VWA8: variants seen among roughly 807,000 people sequenced by gnomAD.
VWA8 encodes the protein von Willebrand factor A domain containing 8.
VWA8 carries 221 observed loss-of-function variants against 241.5 expected under a neutral mutation model. That is an observed-to-expected ratio of 0.91 (90% confidence interval 0.82 to 1.02). The LOEUF (loss-of-function observed/expected upper bound fraction) is 1.02. Among genes scored for constraint, VWA8 ranks in the 50% least tolerant of loss-of-function variants. The pLI, the probability that VWA8 is intolerant of heterozygous loss-of-function variation, is 0.00. For missense variants in VWA8, 2,322 were observed against 2,328.7 expected (o/e 1.00, Z 0.06); for synonymous variants, 852 against 827.1 (o/e 1.03, Z -0.52).
intron 7 of VWA8, 85 bp downstream of exon 7, chr13:41,886,696 G>T: frequency 1.8e-6 from 2 of 1,115,398 alleles, no homozygotes; most frequent in South Asian, 2.8e-5. Context: ...GTTGTTGAAT[G>T]ACTGAATTAA....
intron 17 of VWA8, among the ~76,000 whole-genome samples, chr13:41,799,179 GT>G (rs1566462009): frequency 6.6e-6 from 1 of 151,926 alleles, no homozygotes; most frequent in Non-Finnish European, 1.5e-5. Context: ...ATCTCTTATG[GT>G]TTTTTCCCCC....
intron 12 of VWA8, among the ~76,000 whole-genome samples, chr13:41,851,218 A>C (rs9532936): frequency 0.014 from 2,175 of 152,214 alleles, 30 homozygotes; most frequent in Middle Eastern, 0.037. Context: ...TTCTCTGCAG[A>C]GTCAGGCACC....
chr13:41,830,127 T>C (rs1395438407), intron 14 of VWA8, among the ~76,000 whole-genome samples: 1 of 150,828 alleles, frequency 6.6e-6, no homozygotes, highest in Non-Finnish European at 1.5e-5. Context: ...CCTGTGTTCC[T>C]GGCTACTTGG....
intron 40 of VWA8, among the ~76,000 whole-genome samples, chr13:41,604,057 T>G (rs935426163): frequency 2.0e-5 from 3 of 152,078 alleles, no homozygotes; most frequent in African/African-American, 7.2e-5. Context: ...CCATACTCAT[T>G]CTCAAGTCTT....
At chr13:41,771,330 C>T (rs913138447) in intron 20 of VWA8, among the ~76,000 whole-genome samples, 2 of 152,124 alleles carry the variant, frequency 1.3e-5, no homozygotes, top group African/African-American at 4.8e-5. Context: ...ACCATGTTGG[C>T]CAGGCTGGTC....
intron 39 of VWA8, among the ~76,000 whole-genome samples, chr13:41,607,015 G>T (rs1011504692): frequency 6.6e-6 from 1 of 152,146 alleles, no homozygotes; most frequent in Non-Finnish European, 1.5e-5. Flanking sequence ...TCCATAGTAG[G>T]AAATGTTTTA....
chr13:41,637,647 C>T (rs2044768210), intron 37 of VWA8, among the ~76,000 whole-genome samples: 1 of 152,040 alleles, frequency 6.6e-6, no homozygotes, highest in Non-Finnish European at 1.5e-5. Flanking sequence ...CATTGTGTTA[C>T]CGATTCACCA....
chr13:41,897,088 T>C, intron 4 of VWA8, among the ~76,000 whole-genome samples: 1 of 152,166 alleles, frequency 6.6e-6, no homozygotes, highest in East Asian at 1.9e-4. Context: ...AGCTCCATCT[T>C]TACCTGTGAA....
rs2044448905 is a variant in VWA8, at chr13:41,590,711, C to A, written c.5041G>T (p.Asp1681Tyr). The A allele has an allele frequency of 1.2e-6, 2 of 1,614,006 alleles. No homozygotes were observed. Among genetic ancestry groups the A allele is most frequent in the Non-Finnish European group, 1.7e-6 (2 of 1,180,022 alleles). ...GTCAGCCCATCAATGATCTTGGCAT[C>A]ATCTAATTCTCCAGTAGCTTGATGT... ...LRHQATGELD[D>Y]AKIIDGLTGE... The change falls in exon 41 of 45, where the codon GAT becomes TAT. Residue 1681 changes from aspartate to tyrosine, a missense_variant. Transcript: ENST00000379310.
intron 2 of VWA8, among the ~76,000 whole-genome samples, chr13:41,944,033 A>T (rs1242199882): frequency 6.6e-6 from 1 of 151,872 alleles, no homozygotes; most frequent in African/African-American, 2.4e-5. Flanking sequence ...TGAACCTGGG[A>T]GGCAGAGGCT....
chr13:41,729,770 C>G (rs575295696), intron 22 of VWA8, 93 bp from the exon 23 acceptor site: 2 of 1,248,802 alleles, frequency 1.6e-6, no homozygotes, highest in South Asian at 2.8e-5. Flanking sequence ...TAACAGCTGG[C>G]TTTATTTAAG....
At chr13:41,938,759 T>TG (rs1387638861) in intron 2 of VWA8, among the ~76,000 whole-genome samples, 5 of 143,178 alleles carry the variant, frequency 3.5e-5, no homozygotes, top group African/African-American at 1.3e-4. Flanking sequence ...GTGGCAGCCC[T>TG]GCATCTTTGA....
At chr13:41,954,364 T>C (rs1020089146) in intron 1 of VWA8, among the ~76,000 whole-genome samples, 2 of 152,166 alleles carry the variant, frequency 1.3e-5, no homozygotes, top group African/African-American at 4.8e-5. Flanking sequence ...TTCTATATTG[T>C]CCATTGTGTG....
chr13:41,940,002 C>T (rs2138151031), intron 2 of VWA8, among the ~76,000 whole-genome samples: 1 of 152,296 alleles, frequency 6.6e-6, no homozygotes, highest in Non-Finnish European at 1.5e-5. Flanking sequence ...TTCTAACACA[C>T]TGTTCTTCTC....
At position 41,581,089 on chromosome 13, in the gene VWA8, C is replaced by T. The variant is rs1176075495; in HGVS notation, c.5272-5251G>A. Among the ~76,000 whole-genome samples the T allele has an allele frequency of 2.3e-5, 3 of 128,598 alleles. 1 individual carries two copies. Among genetic ancestry groups the T allele is most frequent in the Admixed American group, 2.3e-4 (3 of 12,978 alleles). The allele number at this position is 128,598 out of a possible 152,430, so 84.4% of individuals were successfully genotyped here. A position where few individuals can be genotyped will look rare whatever the true frequency, so the allele number is the denominator to read the frequency against. The stretch of plus-strand genomic sequence containing the variant: ...ATCTCGGCTCACTGCAGGCTCCGCC[C>T]CCTGGAGTTCACGCCATTCTCCTGC... On this transcript the variant is annotated intron_variant, in intron 42 of 44. Transcript: ENST00000379310.
intron 12 of VWA8, among the ~76,000 whole-genome samples, chr13:41,848,914 C>T (rs1017201177): frequency 4.6e-5 from 7 of 152,292 alleles, no homozygotes; most frequent in Middle Eastern, 3.4e-3. Context: ...GCTAAGGCTC[C>T]TCTTTAAATT....
At chr13:41,669,749 T>C (rs1413563109) in intron 37 of VWA8, among the ~76,000 whole-genome samples, 1 of 152,142 alleles carries the variant, frequency 6.6e-6, no homozygotes, top group African/African-American at 2.4e-5. Flanking sequence ...AAGAGCTTAA[T>C]TCAAAAAGAG....
At chr13:41,950,346 A>C (rs17595400) in intron 1 of VWA8, among the ~76,000 whole-genome samples, 1 of 151,538 alleles carries the variant, frequency 6.6e-6, no homozygotes, top group South Asian at 2.1e-4. Context: ...AAGATCATTC[A>C]AAGTATCCAT....
intron 21 of VWA8, among the ~76,000 whole-genome samples, chr13:41,755,201 TG>T (rs1042068746): frequency 2.6e-4 from 40 of 152,196 alleles, no homozygotes; most frequent in Non-Finnish European, 5.0e-4. Flanking sequence ...TTCTCCATAG[TG>T]GTTGTACTAA....
Sources: allele counts gnomAD v4.1 joint callset (sites outside exome capture counted in the v4.1 genomes callset), GRCh38; gene constraint gnomAD v4.1.1; transcripts MANE v1.5; gene names NCBI Gene and HGNC (gene_info 2026-07-23, HGNC 2026-07-21).